The following ATP8A2 variants were observed in gnomAD, a reference collection of about 807,000 sequenced individuals.
ATP8A2 encodes phospholipid-transporting ATPase IB.
A neutral mutation model predicts 165.6 loss-of-function variants in ATP8A2; 100 were observed. The observed-to-expected ratio is 0.60, with a 90% CI of 0.51 to 0.71. The LOEUF (loss-of-function observed/expected upper bound fraction) is 0.71. ATP8A2 is among the 30% of genes least tolerant of loss of function. The probability of loss-of-function intolerance (pLI) is 0.00; values close to 1 mark genes in which losing one functional copy is unlikely to be tolerated. For synonymous variants in ATP8A2, 543 were observed against 548.8 expected (o/e 0.99, Z 0.15); for missense variants, 1,227 against 1,479.5 (o/e 0.83, Z 2.80).
intron 24 of ATP8A2, among the ~76,000 whole-genome samples, chr13:25,606,621 C>T (rs765892314): frequency 1.3e-5 from 2 of 152,150 alleles, no homozygotes; most frequent in African/African-American, 4.8e-5. Context: ...TATTCAGGTA[C>T]TTTTGCCCCT....
Position 25,897,627 on chromosome 13 carries a change from T to A in ATP8A2, c.3183+35219T>A, listed in dbSNP as rs554345707. ...TTCTCCTGGATAATATCCTGCAGAG[T>A]GTTTTCCAACTTAGTTCCATTCTCC... On this transcript the variant is annotated intron_variant, in intron 33 of 36. Coordinates refer to ENST00000381655, the MANE Select transcript of ATP8A2 (RefSeq NM_016529.6). 4.0e-3 allele frequency among the ~76,000 whole-genome samples: 615 copies of A among 152,328 alleles called. 2 individuals are homozygous for A. The highest frequency in any genetic ancestry group is 0.014 in the African/African-American group (587 of 41,568).
chr13:25,584,523 G>T (rs934160681), intron 23 of ATP8A2, among the ~76,000 whole-genome samples: 4 of 152,164 alleles, frequency 2.6e-5, no homozygotes, highest in Admixed American at 6.5e-5. Context: ...GCAAGTAAAT[G>T]GAGTGTCTGG....
intron 1 of ATP8A2, among the ~76,000 whole-genome samples, chr13:25,422,170 A>C (rs2034319468): frequency 6.6e-6 from 1 of 152,220 alleles, no homozygotes; most frequent in South Asian, 2.1e-4. Flanking sequence ...AGACAAAAAC[A>C]CTTATGACTC....
chr13:25,560,663 G>A (rs2039116508), intron 15 of ATP8A2, among the ~76,000 whole-genome samples: 1 of 128,780 alleles, frequency 7.8e-6, no homozygotes, highest in African/African-American at 3.0e-5. Flanking sequence ...TGGCACCACT[G>A]CATTCCAGCC....
intron 33 of ATP8A2, among the ~76,000 whole-genome samples, chr13:25,892,456 T>TTCTCTCTC (rs922946189): frequency 8.0e-6 from 1 of 125,436 alleles, no homozygotes. Context: ...ATGGAAACAT[T>TTCTCTCTC]TCTCTCTCTC....
chr13:25,960,795 C>T (rs1302418145), intron 33 of ATP8A2, among the ~76,000 whole-genome samples: 1 of 152,178 alleles, frequency 6.6e-6, no homozygotes, highest in Non-Finnish European at 1.5e-5. Context: ...CCAAAACCCT[C>T]TCTACCTGTT....
At chr13:25,427,771 G>A (rs1055422289) in intron 1 of ATP8A2, among the ~76,000 whole-genome samples, 2 of 152,156 alleles carry the variant, frequency 1.3e-5, no homozygotes, top group African/African-American at 4.8e-5. Context: ...GCAGGTGCTT[G>A]TAGTCCCAGC....
chr13:25,643,990 C>CTATTT (rs58607075), intron 24 of ATP8A2, among the ~76,000 whole-genome samples: 150,024 of 151,676 alleles, frequency 0.99, 74,208 homozygotes, highest in East Asian at 1. Flanking sequence ...CAATTTATTC[C>CTATTT]TATTTTATTT....
intron 5 of ATP8A2, among the ~76,000 whole-genome samples, chr13:25,532,880 A>G (rs2038159790): frequency 6.6e-6 from 1 of 152,106 alleles, no homozygotes; most frequent in African/African-American, 2.4e-5. Context: ...TGCCCAGGCT[A>G]GCCTCAAACT....
intron 2 of ATP8A2, among the ~76,000 whole-genome samples, chr13:25,479,095 C>A (rs1482673549): frequency 6.6e-6 from 1 of 152,146 alleles, no homozygotes; most frequent in Non-Finnish European, 1.5e-5. Flanking sequence ...ATCTGCCCTC[C>A]TCGGCCTCCC....
At chr13:25,576,117 G>A (rs1169799118) in intron 19 of ATP8A2, among the ~76,000 whole-genome samples, 1 of 152,152 alleles carries the variant, frequency 6.6e-6, no homozygotes, top group East Asian at 1.9e-4. Context: ...CGGGTTTCAA[G>A]AACTGCTAGG....
At chr13:25,528,848 C>A (rs944423634) in intron 2 of ATP8A2, among the ~76,000 whole-genome samples, 1 of 141,694 alleles carries the variant, frequency 7.1e-6, no homozygotes, top group Admixed American at 7.0e-5. Context: ...TGTATGCACA[C>A]ATATGCAACA....
rs190514614 is a variant in ATP8A2 at position 25,966,761 on chromosome 13, G to C, written c.3273-1814G>C. Among the ~76,000 whole-genome samples the C allele has an allele frequency of 1.9e-4, 29 of 152,330 alleles. 1 individual carries two copies. The highest frequency in any genetic ancestry group is 1.4e-3 in the Admixed American group (22 of 15,306). ...TGTTGTGATTGAGTAAAAACCAGCA[G>C]CTTCCACAGTGGGTTGGATTCTGAC... On this transcript the variant is annotated intron_variant, in intron 34 of 36. Transcript: ENST00000381655.
intron 25 of ATP8A2, among the ~76,000 whole-genome samples, chr13:25,742,655 T>TTCTC (rs10564366): frequency 4.1e-5 from 6 of 144,904 alleles, no homozygotes; most frequent in East Asian, 2.0e-4. Flanking sequence ...CACTCCACTT[T>TTCTC]TCTCTCTCTC....
chr13:25,748,561 T>C (rs887532848), intron 25 of ATP8A2, among the ~76,000 whole-genome samples: 1 of 152,254 alleles, frequency 6.6e-6, no homozygotes, highest in Admixed American at 6.5e-5. Context: ...GAGGCATGGC[T>C]GCTTGTTTAA....
At chr13:25,870,776 T>A (rs1335311665) in intron 33 of ATP8A2, among the ~76,000 whole-genome samples, 1 of 152,164 alleles carries the variant, frequency 6.6e-6, no homozygotes, top group African/African-American at 2.4e-5. Flanking sequence ...CAATTCTCCT[T>A]AACGTTTTGC....
chr13:25,930,137 G>A (rs568726989), intron 33 of ATP8A2, among the ~76,000 whole-genome samples: 34 of 152,236 alleles, frequency 2.2e-4, no homozygotes, highest in African/African-American at 7.0e-4. Flanking sequence ...TAGCCTGCCT[G>A]CAGCATTTAA....
At chr13:25,488,047 G>C (rs562006495) in intron 2 of ATP8A2, among the ~76,000 whole-genome samples, 1 of 152,292 alleles carries the variant, frequency 6.6e-6, no homozygotes, top group South Asian at 2.1e-4. Context: ...GAAGCTAAAT[G>C]AGATTTCAGA....
At chr13:25,418,758 C>T (rs2034209466) in intron 1 of ATP8A2, among the ~76,000 whole-genome samples, 1 of 152,102 alleles carries the variant, frequency 6.6e-6, no homozygotes, top group Admixed American at 6.5e-5. Context: ...CAATGAAATG[C>T]TAGAATCAAA....
Sources: allele counts gnomAD v4.1 joint callset (sites outside exome capture counted in the v4.1 genomes callset), GRCh38; gene constraint gnomAD v4.1.1; transcripts MANE v1.5; gene names NCBI Gene and HGNC (gene_info 2026-07-23, HGNC 2026-07-21).